Variants in DLG4 observed in about 807,000 individuals in gnomAD.
DLG4 encodes discs large MAGUK scaffold protein 4.
DLG4 carries 7 observed loss-of-function variants against 93.8 expected under a neutral mutation model. The ratio of observed to expected loss-of-function variants is 0.07; its 90% CI spans 0.04 to 0.14. DLG4 has a LOEUF of 0.14. Among genes scored for constraint, DLG4 ranks in the 10% least tolerant of loss-of-function variants. The pLI is 1.00. For missense variants in DLG4, 545 were observed against 992.9 expected, an observed-to-expected ratio of 0.55 and a Z score of 6.06; for synonymous variants, 341 against 387.6, an observed-to-expected ratio of 0.88 and a Z score of 1.41.
In DLG4 at chr17:7,203,863, C is replaced by A; in HGVS notation, c.211-47G>T. Reference sequence around the variant, plus strand: ...GGTCAGCTCCCCTCACTGCCCAAGTCTGGCAAGGCAAGTGGGGTGGGAAAT... The same window carrying A: ...GGTCAGCTCCCCTCACTGCCCAAGTATGGCAAGGCAAGTGGGGTGGGAAAT... On this transcript the variant is annotated intron_variant, in intron 4 of 19. Transcript: ENST00000399506. The surrounding 1 kb of genome is among the most constrained non-coding windows in gnomAD (Gnocchi z 7.2). 2 of 1,608,016 alleles carry A rather than the reference C, an allele frequency of 1.2e-6. No homozygotes were observed. The highest frequency in any genetic ancestry group is 1.1e-5 in the South Asian group (1 of 90,318).
In DLG4 at chr17:7,192,927, G is replaced by A; in HGVS notation, c.1866+18C>T. 1 of 1,596,270 alleles carries A rather than the reference G, an allele frequency of 6.3e-7. No individual in the cohort carries two copies. The highest frequency in any genetic ancestry group is 8.5e-7 in the Non-Finnish European group (1 of 1,170,708). Reference sequence around the variant, plus strand: ...GAGAGGGGAGAAGGAAGAGGACCGGGTGCCCGCCAGGTCCTACCTGCTCTG... The same window carrying A: ...GAGAGGGGAGAAGGAAGAGGACCGGATGCCCGCCAGGTCCTACCTGCTCTG... On this transcript the variant is annotated intron_variant, in intron 17 of 19. Coordinates refer to ENST00000399506, the MANE Select transcript of DLG4 (RefSeq NM_001321075.3).
At position 7,202,903 on chromosome 17, in the gene DLG4, A is replaced by T; in HGVS notation, c.787T>A (p.Ser263Thr). Residue 263 changes from serine (S) to threonine (T), a missense_variant and splice_region_variant, in exon 8 of 20, where the codon TCT becomes ACT. By Grantham distance (58) the Ser-to-Thr change is moderately conservative. Transcript: ENST00000399506. Reference sequence around the variant, plus strand: ...ACTTTGGTGTTTGAAGGGCTCTCACAGGTTGTGATGTCTGGGGGAGCATAG... The same window carrying T: ...ACTTTGGTGTTTGAAGGGCTCTCACTGGTTGTGATGTCTGGGGGAGCATAG... ...DSYAPPDITT[S>T]YSQHLDNEIS... 2 of 1,614,006 alleles carry T rather than the reference A, an allele frequency of 1.2e-6. No individual in the cohort carries two copies. Among genetic ancestry groups the T allele is most frequent in the Non-Finnish European group, 1.7e-6 (2 of 1,179,844 alleles).
chr17:7,196,352 G>C lies in DLG4; in HGVS notation c.1187-18C>G. Reference sequence around the variant, plus strand: ...GCTGTACTCTGAGGAAGGACAGGGAGGTTTCTGAGCTCTGTCCCCATCCTA... The same window carrying C: ...GCTGTACTCTGAGGAAGGACAGGGACGTTTCTGAGCTCTGTCCCCATCCTA... On this transcript the variant is annotated intron_variant, in intron 10 of 19. Transcript: ENST00000399506. This position sits in a 1 kb window ranked among gnomAD's most constrained non-coding sequence, Gnocchi z 8.3. The C allele has an allele frequency of 6.2e-7, 1 of 1,612,924 alleles. No individual in the cohort carries two copies. Among genetic ancestry groups the C allele is most frequent in the Non-Finnish European group, 8.5e-7 (1 of 1,178,926 alleles).
upstream of DLG4, chr17:7,219,883 A>C (rs564821395): frequency 1.9e-6 from 3 of 1,542,552 alleles, no homozygotes; most frequent in Middle Eastern, 3.3e-4. Context: ...CGCCCGGTGC[A>C]CTGTGGACGA....
chr17:7,190,626 G>T lies in DLG4; in HGVS notation c.*82C>A. ...AGGGGTGGGAGGGAGGCCGGGGGGAGCCAAGGGCTTGGGCAATTCAGTCCA... is the reference window on the plus strand; with the variant it reads ...AGGGGTGGGAGGGAGGCCGGGGGGATCCAAGGGCTTGGGCAATTCAGTCCA... On this transcript the variant is annotated 3_prime_UTR_variant, in exon 20 of 20. Coordinates refer to ENST00000399506, the MANE Select transcript of DLG4 (RefSeq NM_001321075.3). 1 of 1,135,558 alleles carries T rather than the reference G, an allele frequency of 8.8e-7. No individual in the cohort carries two copies. Among genetic ancestry groups the T allele is most frequent in the South Asian group, 1.2e-5 (1 of 80,780 alleles). The allele number at this position is 1,135,558 out of a possible 1,614,324, so 70.3% of individuals were successfully genotyped here.
Position 7,191,462 on chromosome 17 carries a change from A to T in DLG4, c.1977-104T>A. ...AAGTATTCTTCTATTTGGAGCACAT[A>T]GCAAAAAAAAAAATACAATTCCCAA... On this transcript the variant is annotated intron_variant, in intron 18 of 19. Transcript: ENST00000399506. This position sits in a 1 kb window ranked among gnomAD's most constrained non-coding sequence, Gnocchi z 6.6. The T allele has an allele frequency of 1.1e-6, 1 of 909,100 alleles. No individual in the cohort carries two copies. The highest frequency in any genetic ancestry group is 1.7e-6 in the Non-Finnish European group (1 of 580,384). 56.3% of individuals were successfully genotyped at this position (909,100 alleles called of 1,614,324 possible).
chr17:7,192,896 G>A lies in DLG4; in HGVS notation c.1866+49C>T, dbSNP rs1333759463. 2.0e-6 allele frequency: 3 copies of A among 1,536,486 alleles called. No homozygotes were observed. In the African/African-American group the frequency reaches 4.1e-5, roughly 21 times the overall value. ...AGAGAAAGCTGGAGGGAGGCAGTGGGGTGGGGAGAGGGGAGAAGGAAGAGG... is the reference window on the plus strand; with the variant it reads ...AGAGAAAGCTGGAGGGAGGCAGTGGAGTGGGGAGAGGGGAGAAGGAAGAGG... On this transcript the variant is annotated intron_variant, in intron 17 of 19. Coordinates refer to ENST00000399506, the MANE Select transcript of DLG4 (RefSeq NM_001321075.3).
intron 1 of DLG4, among the ~76,000 whole-genome samples, chr17:7,210,694 C>G (rs1354055246): frequency 6.6e-6 from 1 of 152,158 alleles, no homozygotes; most frequent in Non-Finnish European, 1.5e-5. Flanking sequence ...GCCTCCAATT[C>G]CCTGCAAGGT....
At chr17:7,219,822 G>A (rs1411504969), upstream of DLG4, 10 of 1,532,460 alleles carry the variant, frequency 6.5e-6, 1 homozygote, top group African/African-American at 2.7e-5. Context: ...GCAGGGCCGG[G>A]CTCCAGGGAA....
At chr17:7,214,224 C>A (rs1171495724) in intron 1 of DLG4, among the ~76,000 whole-genome samples, 1 of 152,142 alleles carries the variant, frequency 6.6e-6, no homozygotes, top group Non-Finnish European at 1.5e-5. Flanking sequence ...TTTCCAAAGA[C>A]CCCCGCGCCC....
At chr17:7,204,418 C>G in intron 2 of DLG4, 166 bp from the exon 3 acceptor site, 1 of 642,274 alleles carries the variant, frequency 1.6e-6, no homozygotes, top group Non-Finnish European at 2.7e-6. Context: ...ATCACACACA[C>G]GCACACGCGT....
chr17:7,205,131 G>A (rs1242993247), intron 2 of DLG4: 6 of 985,460 alleles, frequency 6.1e-6, no homozygotes, highest in Admixed American at 6.1e-5. Flanking sequence ...TGAATAACCT[G>A]CCTTCCTCGC....
chr17:7,208,981 C>G lies in DLG4; in HGVS notation c.31-742G>C, dbSNP rs1457150836. On this transcript the variant is annotated intron_variant, in intron 1 of 19. Coordinates refer to ENST00000399506, the MANE Select transcript of DLG4 (RefSeq NM_001321075.3). The surrounding 1 kb of genome is among the most constrained non-coding windows in gnomAD (Gnocchi z 5.4). ...CTGGCCCTACCCCTGCAACAGCCCA[C>G]AGCCCAGCCAGCTAATCCGGTTATG... Among the ~76,000 whole-genome samples, 1 of 152,152 alleles carries G rather than the reference C, an allele frequency of 6.6e-6. No individual in the cohort carries two copies. Among genetic ancestry groups the G allele is most frequent in the Non-Finnish European group, 1.5e-5 (1 of 68,040 alleles).
rs1405973899 is a variant in DLG4, at chr17:7,193,083, A to G, written c.1728T>C (p.Asp576=). The G allele has an allele frequency of 6.2e-7, 1 of 1,613,600 alleles. No homozygotes were observed. The highest frequency in any genetic ancestry group is 8.5e-7 in the Non-Finnish European group (1 of 1,179,772). ...ACGACACAAAGTGGTAATCCCGGCC[A>G]TCTATCTCATACTCCCGCTTGGGCC... is the stretch of plus-strand genomic sequence containing the variant. ...TTRPKREYEI[D]GRDYHFVSSR... is the part of the protein sequence containing the mutation. The change falls in exon 17 of 20, where the codon GAT becomes GAC. Residue 576 remains aspartate, a synonymous_variant. Coordinates refer to ENST00000399506, the MANE Select transcript of DLG4 (RefSeq NM_001321075.3). This position sits in a 1 kb window ranked among gnomAD's most constrained non-coding sequence, Gnocchi z 6.7.
At chr17:7,219,921 T>TGGGCGTGCAGGATGC (rs1555527401), upstream of DLG4, 1 of 1,555,336 alleles carries the variant, frequency 6.4e-7, no homozygotes, top group East Asian at 2.3e-5. Flanking sequence ...CGCCAGGACG[T>TGGGCGTGCAGGATGC]GGGCGTGCAG....
rs932499704 is a variant in DLG4, at chr17:7,190,489, C to A, written c.*219G>T. On this transcript the variant is annotated 3_prime_UTR_variant, in exon 20 of 20. Coordinates refer to ENST00000399506, the MANE Select transcript of DLG4 (RefSeq NM_001321075.3). Reference sequence around the variant, plus strand: ...CGGAACAAGGAGCCCAGCTCCCCCCCAGACCCCAGGTTCCTGGCGTTCAGG... The same window carrying A: ...CGGAACAAGGAGCCCAGCTCCCCCCAAGACCCCAGGTTCCTGGCGTTCAGG... 14 of 559,928 alleles carry A rather than the reference C, an allele frequency of 2.5e-5. No individual in the cohort carries two copies. The highest frequency in any genetic ancestry group is 6.1e-5 in the Admixed American group (2 of 32,788). 34.7% of individuals were successfully genotyped at this position (559,928 alleles called of 1,614,324 possible).
intron 1 of DLG4, among the ~76,000 whole-genome samples, chr17:7,215,175 G>A (rs2070856074): frequency 6.6e-6 from 1 of 152,192 alleles, no homozygotes; most frequent in Non-Finnish European, 1.5e-5. Flanking sequence ...GGGAGTTGGA[G>A]TCCCCACCAT....
rs989326384 is a variant in DLG4 at position 7,217,577 on chromosome 17, G to A, written c.-430C>T. 2.2e-6 allele frequency: 3 copies of A among 1,365,162 alleles called. No individual in the cohort carries two copies. Among genetic ancestry groups the A allele is most frequent in the East Asian group, 3.0e-5 (1 of 33,822 alleles). 84.6% of individuals were successfully genotyped at this position (1,365,162 alleles called of 1,614,324 possible). Reference sequence around the variant, plus strand: ...GGAGTGGGGTGGGGGGGTTGGAAACGGCAGCGGCCGAGGGAGCCGTGGAGC... The same window carrying A: ...GGAGTGGGGTGGGGGGGTTGGAAACAGCAGCGGCCGAGGGAGCCGTGGAGC... On this transcript the variant is annotated 5_prime_UTR_variant, in exon 1 of 20. Coordinates refer to ENST00000399506, the MANE Select transcript of DLG4 (RefSeq NM_001321075.3).
rs1597445067 is a variant in DLG4 at position 7,193,994 on chromosome 17, C to T, written c.1485G>A (p.Glu495=). 1.9e-6 allele frequency: 3 copies of T among 1,613,580 alleles called. No individual in the cohort carries two copies. The highest frequency in any genetic ancestry group is 2.5e-6 in the Non-Finnish European group (3 of 1,179,802). Residue 495 remains glutamate, a synonymous_variant, in exon 13 of 20, where the codon GAG becomes GAA. Coordinates refer to ENST00000399506, the MANE Select transcript of DLG4 (RefSeq NM_001321075.3). The surrounding 1 kb of genome is among the most constrained non-coding windows in gnomAD (Gnocchi z 6.7). ...IGFIPSKRRV[E]RREWSRLKAK... ...CCTTTAACCTTGACCACTCTCGTCG[C>T]TCAACCCTGTGGGATACATGGAGGG...
Sources: gnomAD v4.1 joint callset for allele counts (sites outside exome capture counted in the v4.1 genomes callset) on GRCh38, gnomAD v4.1.1 for gene constraint, Gnocchi (gnomAD v3.1) non-coding constraint, MANE v1.5 for transcripts, NCBI Gene and HGNC (gene_info 2026-07-23, HGNC 2026-07-21) for gene names.